The following GOSR1 variants were observed in gnomAD, a reference collection of about 807,000 sequenced individuals.
The protein encoded by GOSR1 is golgi SNAP receptor complex member 1.
GOSR1 carries 21 observed loss-of-function variants against 35.5 expected under a neutral mutation model. That is an observed-to-expected ratio of 0.59 (90% CI 0.42 to 0.85). The LOEUF (loss-of-function observed/expected upper bound fraction) is 0.85. GOSR1 is among the 40% of genes least tolerant of loss of function. GOSR1 has a pLI of 0.00. For missense variants in GOSR1, 285 were observed against 309.6 expected, an observed-to-expected ratio of 0.92 and a Z score of 0.60; for synonymous variants, 94 against 106.6, an observed-to-expected ratio of 0.88 and a Z score of 0.73.
intron 4 of GOSR1, among the ~76,000 whole-genome samples, chr17:30,487,578 TAA>T (rs1259882298): frequency 6.6e-6 from 1 of 152,176 alleles, no homozygotes; most frequent in Non-Finnish European, 1.5e-5. Flanking sequence ...TACAGAAATC[TAA>T]AAGAGGTGAT....
chr17:30,485,505 G>A (rs1477380765), intron 4 of GOSR1, among the ~76,000 whole-genome samples: 4 of 151,822 alleles, frequency 2.6e-5, no homozygotes, highest in Non-Finnish European at 4.4e-5. Context: ...CTGTGTTCAC[G>A]AGGTTTTGCT....
chr17:30,492,781 T>G, intron 6 of GOSR1, 28 bp downstream of exon 6: 1 of 1,312,094 alleles, frequency 7.6e-7, no homozygotes, highest in Non-Finnish European at 1.1e-6. Context: ...GTGCATTATG[T>G]GGTTTTCCAC....
intron 7 of GOSR1, 48 bp downstream of exon 7, chr17:30,510,957 C>A: frequency 1.7e-6 from 2 of 1,149,862 alleles, no homozygotes; most frequent in Non-Finnish European, 2.6e-6. Flanking sequence ...TTTGTTTGCA[C>A]GTAAATTTAA....
intron 2 of GOSR1, 26 bp downstream of exon 2, chr17:30,481,283 C>T: frequency 6.4e-7 from 1 of 1,564,086 alleles, no homozygotes; most frequent in Non-Finnish European, 8.8e-7. Context: ...GATTCTGTCT[C>T]CTATGCCTTA....
intron 2 of GOSR1, among the ~76,000 whole-genome samples, chr17:30,482,512 T>C (rs781058919): frequency 6.6e-6 from 1 of 152,186 alleles, no homozygotes; most frequent in Non-Finnish European, 1.5e-5. Context: ...AATCCACACT[T>C]ATTTTACATA....
At chr17:30,498,267 G>A (rs532126676) in intron 6 of GOSR1, among the ~76,000 whole-genome samples, 1 of 151,670 alleles carries the variant, frequency 6.6e-6, no homozygotes, top group African/African-American at 2.4e-5. Flanking sequence ...TTGTTTTAAC[G>A]AGCATTTGTT....
intron 6 of GOSR1, among the ~76,000 whole-genome samples, chr17:30,500,166 G>A (rs1967149773): frequency 6.6e-6 from 1 of 152,100 alleles, no homozygotes; most frequent in Non-Finnish European, 1.5e-5. Flanking sequence ...AAGAGCCGAG[G>A]TTTTTAATTT....
chr17:30,499,924 T>C (rs1332839899), intron 6 of GOSR1, among the ~76,000 whole-genome samples: 4 of 152,228 alleles, frequency 2.6e-5, no homozygotes, highest in African/African-American at 9.7e-5. Flanking sequence ...TATTAACCAT[T>C]CACGTATCTT....
rs1273731000 is a variant in GOSR1, at chr17:30,527,381, C to T, written c.*5003C>T. 6.6e-6 allele frequency: 1 copy of T among 152,168 alleles called. No individual in the cohort carries two copies. Among genetic ancestry groups the T allele is most frequent in the Admixed American group, 6.5e-5 (1 of 15,272 alleles). 9.4% of individuals were successfully genotyped at this position (152,168 alleles called of 1,614,324 possible). A position where few individuals can be genotyped will look rare whatever the true frequency, so the allele number is the denominator to read the frequency against. ...AAATTAATTTTTTAAAAATCGTGTA[C>T]TGCTGGGCTTTAGTACATTAGTTGT... On this transcript the variant is annotated 3_prime_UTR_variant, in exon 9 of 9. Coordinates refer to ENST00000451249, the MANE Select transcript of GOSR1 (RefSeq NM_001007025.2).
Position 30,526,879 on chromosome 17 carries a change from G to T in GOSR1, c.*4501G>T, listed in dbSNP as rs534761455. 2 of 152,336 alleles carry T rather than the reference G, an allele frequency of 1.3e-5. No individual in the cohort carries two copies. The highest frequency in any genetic ancestry group is 3.9e-4 in the East Asian group (2 of 5,190). The allele number at this position is 152,336 out of a possible 1,614,324, so 9.4% of individuals were successfully genotyped here. ...AGGTAGTTTGGGGATAGAGATTATG[G>T]TATCTCTGGTGTTGATAAGTGTTTC... On this transcript the variant is annotated 3_prime_UTR_variant, in exon 9 of 9. Transcript: ENST00000451249.
intron 1 of GOSR1, chr17:30,478,812 C>T (rs745462343): frequency 5.3e-5 from 8 of 152,232 alleles, no homozygotes; most frequent in East Asian, 1.9e-4. Flanking sequence ...GCCTCTGCCT[C>T]CCAAAGTGCT....
rs1914797579 is a variant in GOSR1 at position 30,488,166 on chromosome 17, T to C, written c.343-1960T>C. Among the ~76,000 whole-genome samples the C allele has an allele frequency of 2.1e-5, 3 of 142,696 alleles. No homozygotes were observed. In the South Asian group the frequency reaches 6.6e-4, roughly 31 times the overall value. The allele number at this position is 142,696 out of a possible 152,430, so 93.6% of individuals were successfully genotyped here. A position where few individuals can be genotyped will look rare whatever the true frequency, so the allele number is the denominator to read the frequency against. On this transcript the variant is annotated intron_variant, in intron 4 of 8. Transcript: ENST00000451249. Reference sequence around the variant, plus strand: ...TAGACATTTACTCTTTAAATATACTTTTTTTTTTTTTTTTTTGAGACAGAG... The same window carrying C: ...TAGACATTTACTCTTTAAATATACTCTTTTTTTTTTTTTTTTGAGACAGAG...
chr17:30,527,574 C>T lies in GOSR1; in HGVS notation c.*5196C>T, dbSNP rs963360492. On this transcript the variant is annotated 3_prime_UTR_variant, in exon 9 of 9. Coordinates refer to ENST00000451249, the MANE Select transcript of GOSR1 (RefSeq NM_001007025.2). ...AAGCATCTCAGCAAAGCCAGGGGTA[C>T]AGGGCTCACCTGACATAAGAGATAT... is the stretch of plus-strand genomic sequence containing the variant. The T allele has an allele frequency of 4.6e-5, 7 of 150,544 alleles. No individual in the cohort carries two copies. Among genetic ancestry groups the T allele is most frequent in the African/African-American group, 1.8e-4 (7 of 39,872 alleles). 9.3% of individuals were successfully genotyped at this position (150,544 alleles called of 1,614,324 possible). A position where few individuals can be genotyped will look rare whatever the true frequency, so the allele number is the denominator to read the frequency against.
chr17:30,486,471 C>A (rs1914690824), intron 4 of GOSR1, among the ~76,000 whole-genome samples: 1 of 151,124 alleles, frequency 6.6e-6, no homozygotes, highest in Non-Finnish European at 1.5e-5. Context: ...TTGCAGTGAG[C>A]CGAGATTGCA....
chr17:30,502,889 G>T (rs1967266384), intron 6 of GOSR1, among the ~76,000 whole-genome samples: 1 of 152,212 alleles, frequency 6.6e-6, no homozygotes, highest in East Asian at 1.9e-4. Context: ...GATTAAATAA[G>T]AAATGTAGAA....
chr17:30,497,707 C>T (rs1967049863), intron 6 of GOSR1, among the ~76,000 whole-genome samples: 1 of 152,230 alleles, frequency 6.6e-6, no homozygotes. Context: ...CCCGTCAATG[C>T]CAGAATGGCA....
At chr17:30,492,234 G>A (rs1283445261) in intron 5 of GOSR1, among the ~76,000 whole-genome samples, 1 of 151,936 alleles carries the variant, frequency 6.6e-6, no homozygotes, top group East Asian at 1.9e-4. Flanking sequence ...TCTTTAGCTT[G>A]ATTTCAGTGT....
chr17:30,495,702 T>C (rs1463682482), intron 6 of GOSR1: 3 of 257,826 alleles, frequency 1.2e-5, no homozygotes, highest in Non-Finnish European at 2.3e-5. Context: ...CTTGCTACCT[T>C]AGCCAGCCTG....
rs747977581 is a variant in GOSR1, at chr17:30,484,230, C to G, written c.163C>G (p.Leu55Val). The change falls in exon 3 of 9, where the codon CTT becomes GTT. Residue 55 changes from leucine (L) to valine (V), a missense_variant. Around this residue, in one of 3 missense-constraint regions of GOSR1, gnomAD observed 108 missense variants for 98.9 expected, o/e 1.09. Transcript: ENST00000451249. The stretch of plus-strand genomic sequence containing the variant: ...TCTTTTTAGTTCTGATACAACACCC[C>G]TTTTAAATGGATCAAGCCAAGACAG... ...GRRDSSDTTPLLNGSSQDRMF... is the reference protein window; with the variant it reads ...GRRDSSDTTPVLNGSSQDRMF... 6.2e-7 allele frequency: 1 copy of G among 1,604,280 alleles called. No individual in the cohort carries two copies. The highest frequency in any genetic ancestry group is 1.1e-5 in the South Asian group (1 of 90,878).
Sources: allele counts gnomAD v4.1 joint callset (sites outside exome capture counted in the v4.1 genomes callset), GRCh38; gene constraint gnomAD v4.1.1; regional missense constraint gnomAD v4.1.1; transcripts MANE v1.5; gene names NCBI Gene and HGNC (gene_info 2026-07-23, HGNC 2026-07-21).